DLGAP2: variants seen among roughly 807,000 people sequenced by gnomAD.
DLGAP2 encodes the protein disks large-associated protein 2.
In DLGAP2, 26 loss-of-function variants were observed where a neutral mutation model predicts 100.3. The observed-to-expected ratio is 0.26, with a 90% CI of 0.19 to 0.36. DLGAP2 has a LOEUF of 0.36. Among genes scored for constraint, DLGAP2 ranks in the 10% least tolerant of loss-of-function variants. The probability of loss-of-function intolerance (pLI) is 1.00; values close to 1 mark genes in which losing one functional copy is unlikely to be tolerated. For missense variants in DLGAP2, 1,858 were observed against 1,453.2 expected (o/e 1.28, Z -4.53); for synonymous variants, 886 against 630.1 (o/e 1.41, Z -6.08).
intron 6 of DLGAP2, among the ~76,000 whole-genome samples, chr8:1,620,102 C>G (rs183716676): frequency 6.6e-6 from 1 of 152,188 alleles, no homozygotes; most frequent in Non-Finnish European, 1.5e-5. Flanking sequence ...CTCTGCTGTT[C>G]CTGACAAGTT....
intron 2 of DLGAP2, among the ~76,000 whole-genome samples, chr8:1,100,338 A>T (rs1036982194): frequency 6.6e-6 from 1 of 152,112 alleles, no homozygotes; most frequent in Non-Finnish European, 1.5e-5. Flanking sequence ...TCCACAGTGT[A>T]CAGCGTGTGT....
intron 3 of DLGAP2, among the ~76,000 whole-genome samples, chr8:1,423,979 G>A (rs558517645): frequency 2.6e-5 from 4 of 152,222 alleles, no homozygotes; most frequent in Non-Finnish European, 5.9e-5. Flanking sequence ...TCACATGACT[G>A]GAATGAATTC....
At chr8:985,423 C>T (rs1563128918) in intron 2 of DLGAP2, among the ~76,000 whole-genome samples, 1 of 152,224 alleles carries the variant, frequency 6.6e-6, no homozygotes, top group Non-Finnish European at 1.5e-5. Flanking sequence ...ACAACCACCT[C>T]ATGGTGTTGT....
At chr8:1,274,162 A>T (rs992525426) in intron 3 of DLGAP2, among the ~76,000 whole-genome samples, 2 of 151,828 alleles carry the variant, frequency 1.3e-5, no homozygotes, top group Non-Finnish European at 2.9e-5. Context: ...TTTTAACTTA[A>T]TATTTTAATT....
At chr8:829,909 G>A (rs1796750467) in intron 1 of DLGAP2, among the ~76,000 whole-genome samples, 1 of 152,144 alleles carries the variant, frequency 6.6e-6, no homozygotes, top group African/African-American at 2.4e-5. Flanking sequence ...CTCAGTTTAT[G>A]TACCAGTCTC....
chr8:1,270,565 C>G (rs1799560769), intron 3 of DLGAP2, among the ~76,000 whole-genome samples: 1 of 152,200 alleles, frequency 6.6e-6, no homozygotes, highest in Admixed American at 6.5e-5. Flanking sequence ...CTGTCTTAAC[C>G]TCTTTGCCAT....
chr8:1,250,813 G>A (rs1458237771), intron 2 of DLGAP2, among the ~76,000 whole-genome samples: 1 of 152,204 alleles, frequency 6.6e-6, no homozygotes, highest in East Asian at 1.9e-4. Flanking sequence ...TAACATTGGA[G>A]CACACTTATG....
intron 3 of DLGAP2, among the ~76,000 whole-genome samples, chr8:1,332,388 A>AGT (rs968669497): frequency 6.6e-6 from 1 of 151,340 alleles, no homozygotes; most frequent in African/African-American, 2.4e-5. Flanking sequence ...CATGTGTGTT[A>AGT]GTGTGTGTCT....
chr8:1,591,958 A>G (rs564231324), intron 6 of DLGAP2, among the ~76,000 whole-genome samples: 8 of 152,340 alleles, frequency 5.3e-5, no homozygotes, highest in African/African-American at 1.7e-4. Context: ...GGTGGCATGC[A>G]GACAGGCCTT....
intron 3 of DLGAP2, among the ~76,000 whole-genome samples, chr8:1,451,329 G>A (rs143374772): frequency 1.1e-4 from 17 of 152,186 alleles, no homozygotes; most frequent in East Asian, 3.9e-4. Context: ...AGCCAAGGCC[G>A]GCACCCCTTT....
intron 2 of DLGAP2, among the ~76,000 whole-genome samples, chr8:1,245,472 A>G (rs971762762): frequency 3.9e-5 from 6 of 152,244 alleles, no homozygotes; most frequent in Non-Finnish European, 8.8e-5. Context: ...AACATTTTCT[A>G]CGTGAAAGAA....
At chr8:1,587,327 G>C (rs890147762) in intron 6 of DLGAP2, among the ~76,000 whole-genome samples, 1 of 152,184 alleles carries the variant, frequency 6.6e-6, no homozygotes, top group African/African-American at 2.4e-5. Context: ...CAGGGGGATG[G>C]TCTTGAAAAA....
intron 4 of DLGAP2, among the ~76,000 whole-genome samples, chr8:1,536,164 T>C (rs749333552): frequency 6.6e-6 from 1 of 151,600 alleles, no homozygotes; most frequent in Non-Finnish European, 1.5e-5. Context: ...GTTGATGGAG[T>C]GGAAGAGACA....
intron 4 of DLGAP2, among the ~76,000 whole-genome samples, chr8:1,505,527 C>T (rs1330751580): frequency 6.6e-6 from 1 of 152,192 alleles, no homozygotes; most frequent in Admixed American, 6.5e-5. Flanking sequence ...CTCTTAAGAG[C>T]ATTTGCGTTC....
intron 4 of DLGAP2, among the ~76,000 whole-genome samples, chr8:1,513,860 G>T (rs1488854503): frequency 1.1e-5 from 1 of 87,558 alleles, no homozygotes; most frequent in East Asian, 2.6e-4. Flanking sequence ...GACAATGGCG[G>T]TCGAACCTCA....
intron 1 of DLGAP2, among the ~76,000 whole-genome samples, chr8:859,528 G>A (rs1797349673): frequency 6.6e-6 from 1 of 152,116 alleles, no homozygotes; most frequent in Admixed American, 6.6e-5. Flanking sequence ...TAACTCTGTG[G>A]CTTAGTTTAT....
chr8:969,946 C>G (rs1425472629), intron 2 of DLGAP2, among the ~76,000 whole-genome samples: 1 of 152,070 alleles, frequency 6.6e-6, no homozygotes, highest in Non-Finnish European at 1.5e-5. Flanking sequence ...TTTTAATATT[C>G]AAAACTATTA....
chr8:1,240,005 A>T (rs1490924422), intron 2 of DLGAP2, among the ~76,000 whole-genome samples: 336 of 135,260 alleles, frequency 2.5e-3, no homozygotes, highest in African/African-American at 9.0e-3. Context: ...CACACAGAGC[A>T]TCGTGTCTAG....
intron 3 of DLGAP2, among the ~76,000 whole-genome samples, chr8:1,422,456 C>G (rs1046734564): frequency 3.3e-5 from 5 of 151,638 alleles, no homozygotes; most frequent in African/African-American, 7.3e-5. Flanking sequence ...TCACTAAGAG[C>G]AAGTGATGCC....
Sources: allele counts gnomAD v4.1 joint callset (sites outside exome capture counted in the v4.1 genomes callset), GRCh38; gene constraint gnomAD v4.1.1; transcripts MANE v1.5; gene names NCBI Gene and HGNC (gene_info 2026-07-23, HGNC 2026-07-21).